The following PTBP3 variants were observed in gnomAD, a reference collection of about 807,000 sequenced individuals.
PTBP3 encodes polypyrimidine tract binding protein 3, also known as polypyrimidine tract-binding protein 3.
Under a neutral mutation model 58.7 loss-of-function variants are expected in PTBP3, and 20 were observed. The ratio of observed to expected loss-of-function variants is 0.34; its 90% CI spans 0.24 to 0.50. The LOEUF is 0.50. Ranked by LOEUF, PTBP3 falls within the 20% of genes least tolerant of loss-of-function variation. The probability of loss-of-function intolerance (pLI) is 0.98; values close to 1 mark genes in which losing one functional copy is unlikely to be tolerated. For missense variants in PTBP3, 509 were observed against 637.2 expected (o/e 0.80, Z 2.17); for synonymous variants, 185 against 219.8 (o/e 0.84, Z 1.40).
At chr9:112,360,720 T>C in the PTBP3 span, among the ~76,000 whole-genome samples, 5 of 152,082 alleles carry the variant, frequency 3.3e-5, no homozygotes, top group African/African-American at 1.2e-4. Context: ...ATAATACGAC[T>C]AACAGTAGGT....
chr9:112,221,164 C>T lies in PTBP3; in HGVS notation c.*2687G>A. On this transcript the variant is annotated 3_prime_UTR_variant, in exon 14 of 14. Transcript: ENST00000374257. ...TTTAAAACAAGAACATCCCACATCT[C>T]CAAATCTTAATTTGGTTAATTTTGT... The T allele has an allele frequency of 1.0e-6, 1 of 985,696 alleles. No homozygotes were observed. Among genetic ancestry groups the T allele is most frequent in the Middle Eastern group, 5.2e-4 (1 of 1,914 alleles). 61.1% of individuals were successfully genotyped at this position (985,696 alleles called of 1,614,324 possible).
chr9:112,331,128 A>ACACACAC (rs1564469969), intron 1 of PTBP3, among the ~76,000 whole-genome samples: 7 of 109,526 alleles, frequency 6.4e-5, no homozygotes, highest in African/African-American at 2.1e-4. Flanking sequence ...CACACACACG[A>ACACACAC]GAGACAGTTG....
intron 1 of PTBP3, among the ~76,000 whole-genome samples, chr9:112,300,491 G>A (rs1015713287): frequency 5.1e-4 from 77 of 152,204 alleles, no homozygotes; most frequent in African/African-American, 1.7e-3. Context: ...GGTGGCTCAC[G>A]CCTGTAATCC....
the PTBP3 span, among the ~76,000 whole-genome samples, chr9:112,357,410 G>C: frequency 6.6e-6 from 1 of 152,112 alleles, no homozygotes; most frequent in Non-Finnish European, 1.5e-5. Flanking sequence ...GTGTGCAGTG[G>C]TGCAATCACA....
At chr9:112,278,715 G>A (rs1007794659) in intron 2 of PTBP3, among the ~76,000 whole-genome samples, 4 of 152,158 alleles carry the variant, frequency 2.6e-5, no homozygotes, top group African/African-American at 4.8e-5. Flanking sequence ...TAAGAGCGCA[G>A]AGCTATGAAA....
rs966152766 is a variant in PTBP3, at chr9:112,222,753, T to C, written c.*1098A>G. The C allele has an allele frequency of 1.4e-5, 14 of 966,362 alleles. No individual in the cohort carries two copies. The African/African-American group carries it at 2.1e-4, about 15-fold the overall frequency. 59.9% of individuals were successfully genotyped at this position (966,362 alleles called of 1,614,324 possible). A position where few individuals can be genotyped will look rare whatever the true frequency, so the allele number is the denominator to read the frequency against. On this transcript the variant is annotated 3_prime_UTR_variant, in exon 14 of 14. Coordinates refer to ENST00000374257, the MANE Select transcript of PTBP3 (RefSeq NM_001163788.4). Reference sequence around the variant, plus strand: ...AGCCCACAATATAGCTTTCAAGATATTTAGATTAAACTCTAACCTATTGTA... The same window carrying C: ...AGCCCACAATATAGCTTTCAAGATACTTAGATTAAACTCTAACCTATTGTA...
At chr9:112,325,324 C>A (rs7870001) in intron 1 of PTBP3, among the ~76,000 whole-genome samples, 127,773 of 152,096 alleles carry the variant, frequency 0.84, 53,968 homozygotes, top group African/African-American at 0.92. Context: ...AAGGGCCCGT[C>A]TGCACACTGG....
At chr9:112,234,047 A>C (rs10759538) in intron 8 of PTBP3, among the ~76,000 whole-genome samples, 84,526 of 152,004 alleles carry the variant, frequency 0.56, 25,219 homozygotes, top group African/African-American at 0.79. Context: ...AATGTAGTTA[A>C]AGTCATGAAT....
intron 1 of PTBP3, 99 bp from the exon 2 acceptor site, chr9:112,298,015 G>C (rs2132315387): frequency 1.0e-6 from 1 of 962,258 alleles, no homozygotes; most frequent in Non-Finnish European, 1.6e-6. Flanking sequence ...CTTCATCTTT[G>C]TATGAAGACA....
upstream of PTBP3, among the ~76,000 whole-genome samples, chr9:112,334,074 C>T (rs1830510537): frequency 6.6e-6 from 1 of 151,906 alleles, no homozygotes; most frequent in Admixed American, 6.6e-5. Context: ...ACAAGGACCC[C>T]AGAAACGAGG....
At chr9:112,311,174 T>C (rs1231604157) in intron 1 of PTBP3, among the ~76,000 whole-genome samples, 10 of 151,996 alleles carry the variant, frequency 6.6e-5, no homozygotes, top group Admixed American at 4.6e-4. Flanking sequence ...GCCAGGGCAG[T>C]TGCAGTTATG....
At chr9:112,320,291 A>T (rs13294792) in intron 1 of PTBP3, among the ~76,000 whole-genome samples, 1,008 of 73,366 alleles carry the variant, frequency 0.014, 27 homozygotes, top group African/African-American at 0.017. Flanking sequence ...AAAAAAAAAA[A>T]ATATATATAT....
chr9:112,334,151 G>A (rs1386935934), upstream of PTBP3, among the ~76,000 whole-genome samples: 4 of 152,108 alleles, frequency 2.6e-5, no homozygotes, highest in Non-Finnish European at 5.9e-5. Flanking sequence ...GCAGCCCGGC[G>A]CTGGAGTCGA....
intron 2 of PTBP3, among the ~76,000 whole-genome samples, chr9:112,287,649 T>C (rs532685551): frequency 1.3e-5 from 2 of 152,122 alleles, no homozygotes; most frequent in South Asian, 4.1e-4. Context: ...CCTTCAGTTT[T>C]TTCTGTCTGT....
chr9:112,257,245 C>A (rs1254752015), intron 5 of PTBP3, among the ~76,000 whole-genome samples: 1 of 152,106 alleles, frequency 6.6e-6, no homozygotes, highest in Non-Finnish European at 1.5e-5. Context: ...CTACAAAAAA[C>A]GATATGATAC....
In PTBP3 at chr9:112,228,371, C is replaced by T. The variant is rs757164820; in HGVS notation, c.1147+9G>A. 28 of 1,557,480 alleles carry T rather than the reference C, an allele frequency of 1.8e-5. No homozygotes were observed. Among genetic ancestry groups the T allele is most frequent in the African/African-American group, 2.8e-5 (2 of 72,502 alleles). The stretch of plus-strand genomic sequence containing the variant: ...CACATTATTATTAATAATTATTAAT[C>T]ATTAGTACCTAGCTGAGCTTGATTT... On this transcript the variant is annotated intron_variant, in intron 11 of 13. Coordinates refer to ENST00000374257, the MANE Select transcript of PTBP3 (RefSeq NM_001163788.4).
At chr9:112,234,670 T>C (rs141382626) in intron 8 of PTBP3, 150 bp downstream of exon 8, 3 of 640,610 alleles carry the variant, frequency 4.7e-6, no homozygotes, top group Non-Finnish European at 7.8e-6. Flanking sequence ...GGAAGCTATA[T>C]ATCATACAAA....
At chr9:112,256,563 C>T (rs1291040058) in intron 5 of PTBP3, among the ~76,000 whole-genome samples, 1 of 151,928 alleles carries the variant, frequency 6.6e-6, no homozygotes, top group Non-Finnish European at 1.5e-5. Flanking sequence ...GATGGGGTCA[C>T]CCTGTCACCC....
chr9:112,275,895 A>T lies in PTBP3; in HGVS notation c.153T>A (p.Gly51=). Reference sequence around the variant, plus strand: ...GATTAGTTACTTTGCCAAATGGTAGACCTAATGATATGATCTCTGCTTCGG... The same window carrying T: ...GATTAGTTACTTTGCCAAATGGTAGTCCTAATGATATGATCTCTGCTTCGG... ...DVTEAEIISL[G]LPFGKVTNLL... is the part of the protein sequence containing the mutation. Residue 51 remains glycine, a synonymous_variant, in exon 3 of 14, where the codon GGT becomes GGA. Transcript: ENST00000374257. The T allele has an allele frequency of 6.2e-7, 1 of 1,613,982 alleles. No individual in the cohort carries two copies. Among genetic ancestry groups the T allele is most frequent in the Admixed American group, 1.7e-5 (1 of 60,010 alleles).
Sources: gnomAD v4.1 joint callset for allele counts (sites outside exome capture counted in the v4.1 genomes callset) on GRCh38, gnomAD v4.1.1 for gene constraint, MANE v1.5 for transcripts, NCBI Gene and HGNC (gene_info 2026-07-23, HGNC 2026-07-21) for gene names.